ABTB2: variants seen among roughly 807,000 people sequenced by gnomAD.
ABTB2 encodes the protein ankyrin repeat and BTB/POZ domain-containing protein 2.
In ABTB2, 56 loss-of-function variants were observed where a neutral mutation model predicts 104.1. The observed-to-expected ratio is 0.54, with a 90% CI of 0.43 to 0.67. ABTB2 has a LOEUF of 0.67. ABTB2 is among the 30% of genes least tolerant of loss of function. The pLI, the probability that ABTB2 is intolerant of heterozygous loss-of-function variation, is 0.00. For missense variants in ABTB2, 1,279 were observed against 1,407.7 expected (o/e 0.91, Z 1.46); for synonymous variants, 606 against 608.2 (o/e 1.00, Z 0.05).
At chr11:34,330,299 C>G (rs1309136160) in intron 1 of ABTB2, among the ~76,000 whole-genome samples, 1 of 151,838 alleles carries the variant, frequency 6.6e-6, no homozygotes, top group East Asian at 1.9e-4. Flanking sequence ...CTAGTCTACC[C>G]TAGATCCAAG....
intron 1 of ABTB2, among the ~76,000 whole-genome samples, chr11:34,314,543 A>G (rs957292464): frequency 3.3e-5 from 5 of 152,180 alleles, no homozygotes; most frequent in African/African-American, 1.2e-4. Context: ...CAGGGGCATG[A>G]TCTTTTCTTC....
chr11:34,230,011 G>A (rs1853747749), intron 1 of ABTB2, among the ~76,000 whole-genome samples: 1 of 152,154 alleles, frequency 6.6e-6, no homozygotes, highest in African/African-American at 2.4e-5. Flanking sequence ...GCTCACTGTT[G>A]TTCAGTTCTC....
At chr11:34,162,173 C>T (rs768880226) in intron 10 of ABTB2, among the ~76,000 whole-genome samples, 1 of 152,238 alleles carries the variant, frequency 6.6e-6, no homozygotes, top group Non-Finnish European at 1.5e-5. Context: ...TCCACAGACT[C>T]GCAGACCCAA....
chr11:34,266,195 A>G (rs984679913), intron 1 of ABTB2, among the ~76,000 whole-genome samples: 5 of 152,004 alleles, frequency 3.3e-5, no homozygotes, highest in Admixed American at 2.6e-4. Context: ...CAATCCTTCC[A>G]CCTCAGCCTC....
intron 1 of ABTB2, among the ~76,000 whole-genome samples, chr11:34,308,496 A>G (rs1424758629): frequency 3.9e-5 from 6 of 152,218 alleles, no homozygotes; most frequent in Non-Finnish European, 5.9e-5. Flanking sequence ...CCCTGAGGGC[A>G]CAAGCACTGT....
chr11:34,151,220 A>G lies in ABTB2; in HGVS notation c.*1167T>C, dbSNP rs1363194334. The G allele has an allele frequency of 6.6e-6, 1 of 152,474 alleles. No homozygotes were observed. Among genetic ancestry groups the G allele is most frequent in the Non-Finnish European group, 1.5e-5 (1 of 68,044 alleles). The allele number at this position is 152,474 out of a possible 1,614,324, so 9.4% of individuals were successfully genotyped here. Reference sequence around the variant, plus strand: ...AAATGCCTGGGGCTTTTGGTGAATAAATAGTTTTTAAGGTGCGGCCAGACA... The same window carrying G: ...AAATGCCTGGGGCTTTTGGTGAATAGATAGTTTTTAAGGTGCGGCCAGACA... On this transcript the variant is annotated 3_prime_UTR_variant, in exon 17 of 17. Transcript: ENST00000435224.
Position 34,165,371 on chromosome 11 carries a change from G to C in ABTB2, c.1756-15C>G. On this transcript the variant is annotated splice_polypyrimidine_tract_variant and intron_variant, in intron 7 of 16. Coordinates refer to ENST00000435224, the MANE Select transcript of ABTB2 (RefSeq NM_145804.3). ...TCCAGCAGCAACTGCCAGGGGCACAGAGGAGGAGGGCACTGCTCAGCGTGG... is the reference window on the plus strand; with the variant it reads ...TCCAGCAGCAACTGCCAGGGGCACACAGGAGGAGGGCACTGCTCAGCGTGG... 6.3e-7 allele frequency: 1 copy of C among 1,576,768 alleles called. No homozygotes were observed. Among genetic ancestry groups the C allele is most frequent in the Admixed American group, 1.8e-5 (1 of 54,680 alleles).
chr11:34,265,099 G>A (rs1019191296), intron 1 of ABTB2, among the ~76,000 whole-genome samples: 1 of 152,210 alleles, frequency 6.6e-6, no homozygotes, highest in Non-Finnish European at 1.5e-5. Flanking sequence ...GGGCAATCTG[G>A]TCTATCCTTC....
chr11:34,237,627 G>T (rs1565148714), intron 1 of ABTB2, among the ~76,000 whole-genome samples: 1 of 152,132 alleles, frequency 6.6e-6, no homozygotes, highest in East Asian at 1.9e-4. Flanking sequence ...TAAAGGCCAG[G>T]CTCACTTCTG....
At chr11:34,239,944 T>C (rs1002024186) in intron 1 of ABTB2, among the ~76,000 whole-genome samples, 6 of 152,176 alleles carry the variant, frequency 3.9e-5, no homozygotes, top group Non-Finnish European at 8.8e-5. Flanking sequence ...CCCCCCTAAA[T>C]ACTGGATAAA....
In ABTB2 at chr11:34,177,332, C is replaced by T. The variant is rs2467379; in HGVS notation, c.1245-4025G>A. Among the ~76,000 whole-genome samples the T allele has an allele frequency of 3.0e-3, 457 of 152,334 alleles. 2 individuals carry two copies. Among genetic ancestry groups the T allele is most frequent in the African/African-American group, 0.011 (441 of 41,560 alleles). On this transcript the variant is annotated intron_variant, in intron 3 of 16. Transcript: ENST00000435224. ...TCCTGGTGGGTATACACTGGACTCA[C>T]TGGGTATACACTGGGCTCATTCAGC...
intron 1 of ABTB2, among the ~76,000 whole-genome samples, chr11:34,327,604 C>T (rs1855085920): frequency 6.6e-6 from 1 of 152,154 alleles, no homozygotes; most frequent in South Asian, 2.1e-4. Flanking sequence ...TCATCCTCAG[C>T]CCAGGATTAC....
intron 16 of ABTB2, 147 bp from the exon 17 acceptor site, chr11:34,152,731 G>A (rs1476307456): frequency 2.9e-6 from 2 of 699,782 alleles, no homozygotes; most frequent in South Asian, 1.8e-5. Context: ...TGCATCCTGA[G>A]GCCACCTCTG....
intron 3 of ABTB2, among the ~76,000 whole-genome samples, chr11:34,185,328 CAGAG>C (rs987219118): frequency 1.3e-5 from 2 of 152,180 alleles, no homozygotes; most frequent in Non-Finnish European, 2.9e-5. Flanking sequence ...CCAGCCCAGA[CAGAG>C]AGAGAGGAAG....
At chr11:34,313,277 G>C (rs1461215678) in intron 1 of ABTB2, among the ~76,000 whole-genome samples, 1 of 152,220 alleles carries the variant, frequency 6.6e-6, no homozygotes, top group East Asian at 1.9e-4. Flanking sequence ...TCTGGTGCTG[G>C]CTCTGAAAGG....
At chr11:34,163,678 C>T (rs1217146509) in intron 9 of ABTB2, among the ~76,000 whole-genome samples, 1 of 152,224 alleles carries the variant, frequency 6.6e-6, no homozygotes, top group Admixed American at 6.5e-5. Context: ...CTGGAGGTGC[C>T]CTTCCAAGGA....
chr11:34,220,182 G>A (rs984475901), intron 1 of ABTB2, among the ~76,000 whole-genome samples: 2 of 152,200 alleles, frequency 1.3e-5, no homozygotes, highest in African/African-American at 2.4e-5. Flanking sequence ...GCATCTTGGA[G>A]GACACTATGA....
intron 1 of ABTB2, among the ~76,000 whole-genome samples, chr11:34,248,096 TAAAAAAAAAAAAAAAAA>T (rs1157412906): frequency 7.7e-5 from 9 of 116,234 alleles, no homozygotes; most frequent in East Asian, 2.6e-4. Context: ...TAATTTTTCT[TAAAAAAAAAAAAAAAAA>T]AAAAAAAAAC....
chr11:34,214,233 A>C (rs1853522288), intron 1 of ABTB2, among the ~76,000 whole-genome samples: 1 of 151,980 alleles, frequency 6.6e-6, no homozygotes, highest in Non-Finnish European at 1.5e-5. Context: ...AGTACCTTAA[A>C]TATCAGCCTT....
Sources: gnomAD v4.1 joint callset for allele counts (sites outside exome capture counted in the v4.1 genomes callset) on GRCh38, gnomAD v4.1.1 for gene constraint, MANE v1.5 for transcripts, NCBI Gene and HGNC (gene_info 2026-07-23, HGNC 2026-07-21) for gene names.